The following MFHAS1 variants were observed in gnomAD, a reference collection of about 807,000 sequenced individuals.
The protein encoded by MFHAS1 is malignant fibrous histiocytoma-amplified sequence 1.
A neutral mutation model predicts 70.4 loss-of-function variants in MFHAS1; 50 were observed. The observed-to-expected ratio is 0.71, with a 90% CI of 0.57 to 0.90. MFHAS1 has a LOEUF of 0.90. Ranked by LOEUF, MFHAS1 falls within the 40% of genes least tolerant of loss-of-function variation. The pLI is 0.00. For synonymous variants in MFHAS1, 952 were observed against 620.0 expected (o/e 1.54, Z -7.96); for missense variants, 1,795 against 1,347.6 (o/e 1.33, Z -5.20).
At chr8:8,803,901 G>GT in intron 1 of MFHAS1, among the ~76,000 whole-genome samples, 1 of 152,102 alleles carries the variant, frequency 6.6e-6, no homozygotes, top group East Asian at 1.9e-4. Context: ...GAATCCAGGA[G>GT]GCAGAGGTTT....
At chr8:8,839,248 G>GT (rs960649743) in intron 1 of MFHAS1, among the ~76,000 whole-genome samples, 16 of 151,306 alleles carry the variant, frequency 1.1e-4, no homozygotes, top group South Asian at 2.1e-4. Context: ...GAAAAATAAA[G>GT]TTTTTTTTTC....
At chr8:8,813,096 G>C (rs1336363827) in intron 1 of MFHAS1, among the ~76,000 whole-genome samples, 1 of 152,110 alleles carries the variant, frequency 6.6e-6, no homozygotes. Context: ...AGCAATGGTA[G>C]ACCCCACATT....
At chr8:8,873,839 G>A (rs564724295) in intron 1 of MFHAS1, among the ~76,000 whole-genome samples, 5 of 152,262 alleles carry the variant, frequency 3.3e-5, no homozygotes, top group African/African-American at 1.2e-4. Flanking sequence ...TACATGGACA[G>A]AACATCATTC....
chr8:8,870,290 C>CAAAAA (rs61229252), intron 1 of MFHAS1, among the ~76,000 whole-genome samples: 4 of 113,132 alleles, frequency 3.5e-5, no homozygotes, highest in Admixed American at 8.1e-5. Flanking sequence ...CCTGTCTCTA[C>CAAAAA]AAAAAAAAAA....
rs942061996 is a variant in MFHAS1 at position 8,795,128 on chromosome 8, T to C, written c.3125+2237A>G. Among the ~76,000 whole-genome samples the C allele has an allele frequency of 5.9e-5, 9 of 152,192 alleles. No homozygotes were observed. In the East Asian group the frequency reaches 1.2e-3, roughly 20 times the overall value. On this transcript the variant is annotated intron_variant, in intron 2 of 2. Coordinates refer to ENST00000276282, the MANE Select transcript of MFHAS1 (RefSeq NM_004225.3). ...AAAGTTTACGCCAATGCAAAGTATA[T>C]TGAATTTTTGTTTCCTCTGTTTCAT...
chr8:8,870,432 C>A (rs752233511), intron 1 of MFHAS1, among the ~76,000 whole-genome samples: 5 of 152,108 alleles, frequency 3.3e-5, no homozygotes, highest in Admixed American at 6.5e-5. Flanking sequence ...CGCCACCTCA[C>A]TCCAGCCTAA....
chr8:8,836,641 G>C (rs1239110536), intron 1 of MFHAS1, among the ~76,000 whole-genome samples: 1 of 152,190 alleles, frequency 6.6e-6, no homozygotes, highest in African/African-American at 2.4e-5. Context: ...GTCTCCCAAA[G>C]TGTTGAGATT....
chr8:8,868,495 G>A (rs953811372), intron 1 of MFHAS1, among the ~76,000 whole-genome samples: 3 of 151,424 alleles, frequency 2.0e-5, no homozygotes, highest in Non-Finnish European at 2.9e-5. Context: ...GCCCTTGGTA[G>A]ACAGATGTGC....
chr8:8,829,207 C>A (rs1345755911), intron 1 of MFHAS1, among the ~76,000 whole-genome samples: 1 of 152,200 alleles, frequency 6.6e-6, no homozygotes, highest in East Asian at 1.9e-4. Context: ...CTCCCAGAAC[C>A]CCTTCCCCAT....
intron 1 of MFHAS1, among the ~76,000 whole-genome samples, chr8:8,882,223 A>G (rs2116931350): frequency 6.6e-6 from 1 of 151,804 alleles, no homozygotes; most frequent in Non-Finnish European, 1.5e-5. Flanking sequence ...CTCTACTAAA[A>G]AAAAACACAC....
chr8:8,791,409 T>A (rs1162087584), intron 2 of MFHAS1, among the ~76,000 whole-genome samples: 1 of 152,212 alleles, frequency 6.6e-6, no homozygotes, highest in African/African-American at 2.4e-5. Flanking sequence ...CCTGTTGAAT[T>A]TGCTTGGTCT....
rs1805478676 is a variant in MFHAS1 at position 8,784,804 on chromosome 8, G to C, written c.*1218C>G. The C allele has an allele frequency of 6.6e-6, 1 of 152,202 alleles. No homozygotes were observed. Among genetic ancestry groups the C allele is most frequent in the Non-Finnish European group, 1.5e-5 (1 of 68,040 alleles). The allele number at this position is 152,202 out of a possible 1,614,324, so 9.4% of individuals were successfully genotyped here. A position where few individuals can be genotyped will look rare whatever the true frequency, so the allele number is the denominator to read the frequency against. Reference sequence around the variant, plus strand: ...GTTACTACTGTAGCATATGCTGTTTGGCCCAATTAAAAGTAGAATGGAGAG... The same window carrying C: ...GTTACTACTGTAGCATATGCTGTTTCGCCCAATTAAAAGTAGAATGGAGAG... On this transcript the variant is annotated 3_prime_UTR_variant, in exon 3 of 3. Transcript: ENST00000276282.
intron 2 of MFHAS1, among the ~76,000 whole-genome samples, chr8:8,792,671 GAC>G (rs1805759084): frequency 6.6e-6 from 1 of 152,198 alleles, no homozygotes; most frequent in African/African-American, 2.4e-5. Flanking sequence ...TGTTGGATAA[GAC>G]ACAAGTTAAC....
chr8:8,882,832 C>T (rs1295432034), intron 1 of MFHAS1, among the ~76,000 whole-genome samples: 1 of 152,024 alleles, frequency 6.6e-6, no homozygotes, highest in Admixed American at 6.6e-5. Context: ...TGACAACCAC[C>T]CCCCAGCAAT....
At chr8:8,850,613 AG>A (rs1808207823) in intron 1 of MFHAS1, among the ~76,000 whole-genome samples, 1 of 152,106 alleles carries the variant, frequency 6.6e-6, no homozygotes, top group Admixed American at 6.6e-5. Flanking sequence ...AGGCCAAGCC[AG>A]GTGGATCACT....
chr8:8,834,402 C>A (rs1563196145), intron 1 of MFHAS1, among the ~76,000 whole-genome samples: 1 of 152,164 alleles, frequency 6.6e-6, no homozygotes, highest in African/African-American at 2.4e-5. Flanking sequence ...ACTGACTCAC[C>A]CAGAGACACT....
chr8:8,846,225 C>A (rs1384426809), intron 1 of MFHAS1, among the ~76,000 whole-genome samples: 2 of 134,506 alleles, frequency 1.5e-5, no homozygotes, highest in Non-Finnish European at 1.5e-5. Context: ...TGCACTCCAG[C>A]CTGAGCGACA....
intron 1 of MFHAS1, among the ~76,000 whole-genome samples, chr8:8,852,153 G>C (rs1363570672): frequency 1.3e-5 from 2 of 152,084 alleles, no homozygotes; most frequent in African/African-American, 4.8e-5. Context: ...TGCCAAGCAA[G>C]GTATAAATGT....
At chr8:8,804,346 G>T (rs904956671) in intron 1 of MFHAS1, among the ~76,000 whole-genome samples, 6 of 152,072 alleles carry the variant, frequency 3.9e-5, no homozygotes, top group Non-Finnish European at 7.4e-5. Flanking sequence ...GGCATTTGTG[G>T]AATTCTCAAG....
Sources: allele counts gnomAD v4.1 joint callset (sites outside exome capture counted in the v4.1 genomes callset), GRCh38; gene constraint gnomAD v4.1.1; transcripts MANE v1.5; gene names NCBI Gene and HGNC (gene_info 2026-07-23, HGNC 2026-07-21).